Variants in DCDC2 observed in about 807,000 individuals in gnomAD.
DCDC2 encodes doublecortin domain containing 2.
Under a neutral mutation model 50.2 loss-of-function variants are expected in DCDC2, and 40 were observed. That is an observed-to-expected ratio of 0.80 (90% confidence interval 0.62 to 1.04). The LOEUF is 1.04. DCDC2 is among the 50% of genes least tolerant of loss of function. The probability of loss-of-function intolerance (pLI) is 0.00; values close to 1 mark genes in which losing one functional copy is unlikely to be tolerated. For synonymous variants in DCDC2, 234 were observed against 210.6 expected (o/e 1.11, Z -0.96); for missense variants, 570 against 581.9 (o/e 0.98, Z 0.21).
chr6:24,187,413 C>T (rs1375386870), intron 8 of DCDC2, among the ~76,000 whole-genome samples: 1 of 152,182 alleles, frequency 6.6e-6, no homozygotes, highest in Non-Finnish European at 1.5e-5. Context: ...CTCCAGAAAG[C>T]CTTCCTGCTC....
intron 7 of DCDC2, among the ~76,000 whole-genome samples, chr6:24,233,759 A>G (rs970046444): frequency 2.6e-5 from 4 of 152,252 alleles, no homozygotes; most frequent in African/African-American, 9.6e-5. Flanking sequence ...ATAGATGAAG[A>G]AAACATCAAA....
At chr6:24,193,811 A>C (rs1038958829) in intron 8 of DCDC2, among the ~76,000 whole-genome samples, 2 of 152,032 alleles carry the variant, frequency 1.3e-5, no homozygotes, top group African/African-American at 4.8e-5. Context: ...AATCTAAATA[A>C]TCATCTTCCA....
intron 7 of DCDC2, among the ~76,000 whole-genome samples, chr6:24,240,327 T>C (rs1054029427): frequency 2.6e-5 from 4 of 152,230 alleles, no homozygotes; most frequent in South Asian, 2.1e-4. Flanking sequence ...GGAGTATTAA[T>C]TGAACACTGA....
chr6:24,359,100 T>A (rs1376308032), upstream of DCDC2, among the ~76,000 whole-genome samples: 2 of 59,578 alleles, frequency 3.4e-5, no homozygotes, highest in Non-Finnish European at 5.4e-5. Flanking sequence ...TATTATATAT[T>A]TTATATATTA....
chr6:24,277,498 T>C (rs1312588115), intron 7 of DCDC2, among the ~76,000 whole-genome samples: 1 of 152,244 alleles, frequency 6.6e-6, no homozygotes, highest in Non-Finnish European at 1.5e-5. Context: ...AGTGAAATCT[T>C]GGACTAATGC....
chr6:24,271,265 GAGAA>G (rs1334800789), intron 7 of DCDC2, among the ~76,000 whole-genome samples: 327 of 133,720 alleles, frequency 2.4e-3, no homozygotes, highest in African/African-American at 8.1e-3. Context: ...AAGAAAAAAA[GAGAA>G]AGGTTCAACC....
rs1273363555 is a variant in DCDC2, at chr6:24,357,670, G to C, written c.81C>G (p.Pro27=). The change falls in exon 1 of 10, where the codon CCC becomes CCG. Residue 27 remains proline, a synonymous_variant. Coordinates refer to ENST00000378454, the MANE Select transcript of DCDC2 (RefSeq NM_016356.5). ...TGACGACGCGGCGCCCCGCGTAGAA[G>C]GGGTCCCCGTTGCGGTACACAAGCA... The part of the protein sequence containing the change: ...KSVLVYRNGD[P]FYAGRRVVIH... 5.6e-6 allele frequency: 9 copies of C among 1,613,306 alleles called. No individual in the cohort carries two copies. Among genetic ancestry groups the C allele is most frequent in the East Asian group, 2.2e-5 (1 of 44,894 alleles).
intron 7 of DCDC2, among the ~76,000 whole-genome samples, chr6:24,258,330 G>A (rs62400397): frequency 0.085 from 13,005 of 152,164 alleles, 900 homozygotes; most frequent in African/African-American, 0.19. Flanking sequence ...CCTGCTGATT[G>A]ATCCATTTTA....
At chr6:24,324,527 T>C (rs551237205) in intron 2 of DCDC2, among the ~76,000 whole-genome samples, 6 of 152,324 alleles carry the variant, frequency 3.9e-5, no homozygotes, top group African/African-American at 1.4e-4. Context: ...ATTTGTCCCA[T>C]CTTTTTCATA....
At chr6:24,327,483 T>TATTTATTTATTTATTG (rs1554119342) in intron 2 of DCDC2, among the ~76,000 whole-genome samples, 14 of 144,038 alleles carry the variant, frequency 9.7e-5, no homozygotes, top group African/African-American at 3.4e-4. Context: ...TTTATTTATT[T>TATTTATTTATTTATTG]ATTGGCTGAT....
At chr6:24,263,901 G>A (rs1157431315) in intron 7 of DCDC2, among the ~76,000 whole-genome samples, 1 of 152,118 alleles carries the variant, frequency 6.6e-6, no homozygotes, top group Non-Finnish European at 1.5e-5. Context: ...ACACCAAGCA[G>A]ATTTAACCCA....
At chr6:24,234,083 G>C (rs912284019) in intron 7 of DCDC2, among the ~76,000 whole-genome samples, 4 of 152,126 alleles carry the variant, frequency 2.6e-5, no homozygotes, top group African/African-American at 9.7e-5. Flanking sequence ...AGCCAGACTT[G>C]TAAGGAAGCA....
At chr6:24,269,012 T>A (rs1014805451) in intron 7 of DCDC2, among the ~76,000 whole-genome samples, 5 of 152,260 alleles carry the variant, frequency 3.3e-5, no homozygotes, top group Admixed American at 3.3e-4. Flanking sequence ...ACAGATATTT[T>A]ATCTTTATCT....
At position 24,212,397 on chromosome 6, in the gene DCDC2, CCCT is replaced by C. The variant is rs1303336522; in HGVS notation, c.923-7298_923-7296del. ...TGCCAAAAAGACAGTGGTCAGAAAA[CCCT>C]CCTTTGAGCCTCCTGCCTTTTGTTT... On this transcript the variant is annotated intron_variant, in intron 7 of 9. Coordinates refer to ENST00000378454, the MANE Select transcript of DCDC2 (RefSeq NM_016356.5). 7.2e-5 allele frequency among the ~76,000 whole-genome samples: 11 copies of C among 152,128 alleles called. No individual in the cohort carries two copies. In the East Asian group the frequency reaches 2.1e-3, roughly 29 times the overall value.
chr6:24,351,291 A>G lies in DCDC2; in HGVS notation c.348+2278T>C, dbSNP rs950982586. 2.6e-5 allele frequency among the ~76,000 whole-genome samples: 4 copies of G among 152,166 alleles called. No individual in the cohort carries two copies. In the East Asian group the frequency reaches 5.8e-4, roughly 22 times the overall value. On this transcript the variant is annotated intron_variant, in intron 2 of 9. Transcript: ENST00000378454. ...GGAGGAAGGTATCTCCGGACTGGACATGTGAAGTGAGGGAAGTGAACACAC... is the reference window on the plus strand; with the variant it reads ...GGAGGAAGGTATCTCCGGACTGGACGTGTGAAGTGAGGGAAGTGAACACAC...
In DCDC2 at chr6:24,178,338, G is replaced by A. The variant is rs751396384; in HGVS notation, c.1318C>T (p.Gln440Ter). Residue 440 changes from glutamine (Q) to a stop codon, truncating the protein, a stop_gained, in exon 9 of 10, where the codon CAA becomes TAA. Transcript: ENST00000378454. LOFTEE classifies it high-confidence loss of function. ...AAAAGCAATAGAAATACCTCATCTT[G>A]TCCACTGCCAGCTCCTTGAGACTTT... ...ERKSQGAGSGQDEADVDPQRP... is the reference protein window; with the variant it reads ...ERKSQGAGSG 6.2e-7 allele frequency: 1 copy of A among 1,613,066 alleles called. No homozygotes were observed. The highest frequency in any genetic ancestry group is 1.3e-5 in the African/African-American group (1 of 74,874).
intron 7 of DCDC2, among the ~76,000 whole-genome samples, chr6:24,229,029 T>C (rs1052918997): frequency 6.6e-6 from 1 of 152,238 alleles, no homozygotes. Flanking sequence ...AGTAGATGCG[T>C]TGTGAAAACA....
At chr6:24,195,366 T>G (rs1761409804) in intron 8 of DCDC2, among the ~76,000 whole-genome samples, 1 of 152,236 alleles carries the variant, frequency 6.6e-6, no homozygotes, top group African/African-American at 2.4e-5. Flanking sequence ...ACTCTTTTTT[T>G]CAAATATTGT....
chr6:24,360,803 T>C (rs1760654323), upstream of DCDC2, among the ~76,000 whole-genome samples: 1 of 152,198 alleles, frequency 6.6e-6, no homozygotes, highest in Admixed American at 6.5e-5. Context: ...CCAGGCATTA[T>C]GTAAGGCACT....
Sources: gnomAD v4.1 joint callset for allele counts (sites outside exome capture counted in the v4.1 genomes callset) on GRCh38, gnomAD v4.1.1 for gene constraint, MANE v1.5 for transcripts, NCBI Gene and HGNC (gene_info 2026-07-23, HGNC 2026-07-21) for gene names.